Variants in CADPS observed in about 807,000 individuals in gnomAD.
The protein encoded by CADPS is calcium dependent secretion activator.
CADPS carries 57 observed loss-of-function variants against 167.3 expected under a neutral mutation model. That is an observed-to-expected ratio of 0.34 (90% CI 0.28 to 0.42). The LOEUF is 0.42. Ranked by LOEUF, CADPS falls within the 20% of genes least tolerant of loss-of-function variation. The probability of loss-of-function intolerance (pLI) is 1.00; values close to 1 mark genes in which losing one functional copy is unlikely to be tolerated. For synonymous variants in CADPS, 676 were observed against 635.3 expected (o/e 1.06, Z -0.96); for missense variants, 1,414 against 1,738.1 (o/e 0.81, Z 3.32).
chr3:62,827,845 T>A (rs1299066241), intron 1 of CADPS, among the ~76,000 whole-genome samples: 4 of 152,184 alleles, frequency 2.6e-5, no homozygotes, highest in Non-Finnish European at 4.4e-5. Context: ...CTTAGTGTAA[T>A]CATTGTAATA....
At chr3:62,785,585 G>T (rs1427516469) in intron 1 of CADPS, among the ~76,000 whole-genome samples, 1 of 152,184 alleles carries the variant, frequency 6.6e-6, no homozygotes, top group African/African-American at 2.4e-5. Flanking sequence ...AGACCCATCA[G>T]CTTCCCTGCT....
intron 3 of CADPS, among the ~76,000 whole-genome samples, chr3:62,694,192 A>G (rs2079824801): frequency 6.6e-6 from 1 of 152,100 alleles, no homozygotes; most frequent in Non-Finnish European, 1.5e-5. Context: ...CTCTATGGCA[A>G]TAATATTAAG....
intron 3 of CADPS, among the ~76,000 whole-genome samples, chr3:62,740,869 A>T (rs2080076829): frequency 6.6e-6 from 1 of 152,232 alleles, no homozygotes; most frequent in Admixed American, 6.5e-5. Flanking sequence ...CATCGATAAT[A>T]AATAGCTAAG....
At chr3:62,658,422 A>G (rs2072283220) in intron 4 of CADPS, among the ~76,000 whole-genome samples, 1 of 152,076 alleles carries the variant, frequency 6.6e-6, no homozygotes, top group Non-Finnish European at 1.5e-5. Flanking sequence ...GTGAGGGCCT[A>G]TATCTGGGAA....
intron 6 of CADPS, among the ~76,000 whole-genome samples, chr3:62,637,904 T>C (rs2066615976): frequency 6.6e-6 from 1 of 151,992 alleles, no homozygotes; most frequent in Non-Finnish European, 1.5e-5. Flanking sequence ...GACTGTGAAA[T>C]ACCTAGCATG....
chr3:62,783,351 A>G (rs1041869851), intron 1 of CADPS, among the ~76,000 whole-genome samples: 3 of 152,124 alleles, frequency 2.0e-5, no homozygotes, highest in African/African-American at 4.8e-5. Flanking sequence ...CTGAAAGACA[A>G]CTTCCTAAAA....
chr3:62,726,018 A>C (rs2076685895), intron 3 of CADPS, among the ~76,000 whole-genome samples: 1 of 151,754 alleles, frequency 6.6e-6, no homozygotes, highest in Non-Finnish European at 1.5e-5. Context: ...CTGCTCCCTG[A>C]CCACTGAGAA....
intron 3 of CADPS, among the ~76,000 whole-genome samples, chr3:62,732,018 A>G (rs1377485812): frequency 6.6e-6 from 1 of 152,026 alleles, no homozygotes; most frequent in African/African-American, 2.4e-5. Context: ...CAATCTAGAA[A>G]GAGCAAACGG....
At chr3:62,710,192 G>T (rs17066966) in intron 3 of CADPS, among the ~76,000 whole-genome samples, 4 of 151,546 alleles carry the variant, frequency 2.6e-5, no homozygotes, top group Admixed American at 2.6e-4. Context: ...TGAAATCTCC[G>T]TGAACTTGTT....
chr3:62,827,569 T>C (rs566953465), intron 1 of CADPS, among the ~76,000 whole-genome samples: 2 of 152,296 alleles, frequency 1.3e-5, no homozygotes, highest in South Asian at 4.1e-4. Flanking sequence ...TCCTAGCAGT[T>C]ATGCTGTGTA....
intron 21 of CADPS, 82 bp from the exon 22 acceptor site, chr3:62,481,951 A>T: frequency 7.3e-7 from 1 of 1,377,298 alleles, no homozygotes; most frequent in Non-Finnish European, 1.0e-6. Context: ...AATTGTAAAT[A>T]AATTGACCAA....
At chr3:62,680,593 C>T (rs978992300) in intron 3 of CADPS, among the ~76,000 whole-genome samples, 1 of 152,032 alleles carries the variant, frequency 6.6e-6, no homozygotes, top group Non-Finnish European at 1.5e-5. Flanking sequence ...AGCACCTTGA[C>T]ATGTCTCCCC....
chr3:62,746,882 T>G (rs2081575309), intron 3 of CADPS, among the ~76,000 whole-genome samples: 1 of 152,308 alleles, frequency 6.6e-6, no homozygotes, highest in Middle Eastern at 3.4e-3. Context: ...ATGCCTGGAC[T>G]TCTGACCTAG....
At chr3:62,770,778 C>A (rs2088460389) in intron 1 of CADPS, among the ~76,000 whole-genome samples, 1 of 152,124 alleles carries the variant, frequency 6.6e-6, no homozygotes, top group Non-Finnish European at 1.5e-5. Context: ...ACTTTCGTAT[C>A]AAGATAAACA....
chr3:62,475,608 A>AAC (rs1266748751), intron 23 of CADPS, among the ~76,000 whole-genome samples: 2 of 150,648 alleles, frequency 1.3e-5, no homozygotes, highest in Non-Finnish European at 3.0e-5. Flanking sequence ...AAAAAAAAAA[A>AAC]AAAACACCTA....
At chr3:62,467,751 AT>A (rs2060112615) in intron 24 of CADPS, among the ~76,000 whole-genome samples, 1 of 152,138 alleles carries the variant, frequency 6.6e-6, no homozygotes, top group Non-Finnish European at 1.5e-5. Context: ...CTGTATAAAG[AT>A]TTTTAGCGGG....
At chr3:62,709,851 C>A (rs1173942918) in intron 3 of CADPS, among the ~76,000 whole-genome samples, 1 of 151,892 alleles carries the variant, frequency 6.6e-6, no homozygotes, top group Non-Finnish European at 1.5e-5. Flanking sequence ...CTCACTGCAA[C>A]CTCCACCTCC....
chr3:62,493,812 G>T (rs2064156565), intron 18 of CADPS, 147 bp from the exon 19 acceptor site: 2 of 649,224 alleles, frequency 3.1e-6, no homozygotes, highest in Non-Finnish European at 5.3e-6. Flanking sequence ...ATGCTGGCCT[G>T]TCAGCAAAAA....
chr3:62,710,691 A>C (rs2083234022), intron 3 of CADPS, among the ~76,000 whole-genome samples: 1 of 152,068 alleles, frequency 6.6e-6, no homozygotes, highest in South Asian at 2.1e-4. Flanking sequence ...TCACCAATTT[A>C]GATTCTAGAA....
Sources: allele counts gnomAD v4.1 joint callset (sites outside exome capture counted in the v4.1 genomes callset), GRCh38; gene constraint gnomAD v4.1.1; transcripts MANE v1.5; gene names NCBI Gene and HGNC (gene_info 2026-07-23, HGNC 2026-07-21).